Variants in NR2C2 observed in about 807,000 individuals in gnomAD.
The protein encoded by NR2C2 is Nuclear hormone receptor TR4.
A neutral mutation model predicts 62.9 loss-of-function variants in NR2C2; 6 were observed. The observed-to-expected ratio is 0.10, with a 90% CI of 0.05 to 0.19. NR2C2 has a LOEUF of 0.19. Ranked by LOEUF, NR2C2 falls within the 10% of genes least tolerant of loss-of-function variation. NR2C2 has a pLI of 1.00. For missense variants in NR2C2, 479 were observed against 762.7 expected (o/e 0.63, Z 4.38); for synonymous variants, 272 against 273.8 (o/e 0.99, Z 0.07).
intron 1 of NR2C2, among the ~76,000 whole-genome samples, chr3:14,994,698 C>T (rs1052689467): frequency 2.6e-4 from 39 of 151,050 alleles, no homozygotes; most frequent in African/African-American, 9.0e-4. Flanking sequence ...ACCTCGGCCT[C>T]CCAAAGTGCT....
intron 1 of NR2C2, among the ~76,000 whole-genome samples, chr3:14,953,263 T>G (rs2039423061): frequency 6.6e-6 from 1 of 152,226 alleles, no homozygotes; most frequent in Admixed American, 6.5e-5. Context: ...AACTTTCTAT[T>G]CCATAATTAT....
intron 1 of NR2C2, among the ~76,000 whole-genome samples, chr3:14,971,567 TC>T (rs931560488): frequency 9.9e-5 from 15 of 151,660 alleles, no homozygotes; most frequent in Admixed American, 9.2e-4. Context: ...TATATTGTTT[TC>T]CACAGCGGCT....
intron 1 of NR2C2, among the ~76,000 whole-genome samples, chr3:14,958,782 C>T (rs1423453084): frequency 6.6e-6 from 1 of 152,136 alleles, no homozygotes; most frequent in Non-Finnish European, 1.5e-5. Context: ...TCCAGACCAT[C>T]CTGGCCAACA....
At chr3:15,004,096 A>G (rs911200052) in intron 2 of NR2C2, 110 bp downstream of exon 2, 74 of 762,184 alleles carry the variant, frequency 9.7e-5, no homozygotes, top group Non-Finnish European at 1.5e-4. Flanking sequence ...CATGAAATAC[A>G]GTACAACTTC....
At chr3:15,027,848 T>G (rs2041866073) in intron 7 of NR2C2, among the ~76,000 whole-genome samples, 2 of 151,936 alleles carry the variant, frequency 1.3e-5, no homozygotes, top group Admixed American at 6.6e-5. Context: ...TCCTTCTGCT[T>G]TGCCCTCCCA....
intron 1 of NR2C2, among the ~76,000 whole-genome samples, chr3:14,976,600 TCC>T (rs1491201940): frequency 2.8e-5 from 4 of 144,104 alleles, no homozygotes; most frequent in African/African-American, 2.6e-5. Flanking sequence ...CTTCCTTCCT[TCC>T]TTTTTTTTTT....
intron 2 of NR2C2, among the ~76,000 whole-genome samples, chr3:15,007,296 T>G (rs1203981475): frequency 1.3e-5 from 2 of 151,784 alleles, no homozygotes; most frequent in African/African-American, 4.8e-5. Context: ...CCTGGCTAAA[T>G]TTTTATATTT....
chr3:15,042,761 C>T, intron 13 of NR2C2, 73 bp from the exon 14 acceptor site: 9 of 1,426,792 alleles, frequency 6.3e-6, no homozygotes, highest in Non-Finnish European at 8.7e-6. Flanking sequence ...AGACGGGACC[C>T]CAGGAGCCTT....
chr3:14,982,049 ATACT>A (rs1480138962), intron 1 of NR2C2, among the ~76,000 whole-genome samples: 1 of 152,106 alleles, frequency 6.6e-6, no homozygotes, highest in Non-Finnish European at 1.5e-5. Context: ...CCCAGGAATA[ATACT>A]TTACATCCTT....
intron 1 of NR2C2, among the ~76,000 whole-genome samples, chr3:14,983,371 A>G (rs1207106725): frequency 6.6e-6 from 1 of 151,394 alleles, no homozygotes; most frequent in Non-Finnish European, 1.5e-5. Flanking sequence ...TGATCAGGTA[A>G]TGTGAATTAG....
At chr3:15,040,843 G>GT (rs1310187819) in intron 13 of NR2C2, among the ~76,000 whole-genome samples, 1 of 152,168 alleles carries the variant, frequency 6.6e-6, no homozygotes, top group Non-Finnish European at 1.5e-5. Context: ...ATCCAGCCAG[G>GT]TATACAGTCA....
chr3:15,040,296 G>A (rs2042221223), intron 13 of NR2C2, among the ~76,000 whole-genome samples: 2 of 152,206 alleles, frequency 1.3e-5, no homozygotes, highest in Admixed American at 1.3e-4. Flanking sequence ...GCTTTCCTAT[G>A]ACAACTTCTG....
intron 1 of NR2C2, among the ~76,000 whole-genome samples, chr3:14,950,377 C>T (rs900617731): frequency 6.6e-6 from 1 of 152,192 alleles, no homozygotes; most frequent in Non-Finnish European, 1.5e-5. Context: ...CCACTAGAAC[C>T]CACGTAATGG....
chr3:14,988,649 GT>G (rs2040576597), intron 1 of NR2C2, among the ~76,000 whole-genome samples: 1 of 152,194 alleles, frequency 6.6e-6, no homozygotes, highest in African/African-American at 2.4e-5. Context: ...TGAATAGAGT[GT>G]TTTGTTTCTT....
At chr3:14,952,370 G>T (rs553602609) in intron 1 of NR2C2, among the ~76,000 whole-genome samples, 4 of 152,176 alleles carry the variant, frequency 2.6e-5, no homozygotes, top group Admixed American at 1.3e-4. Flanking sequence ...AGGGCCCTCC[G>T]TTGGGATTTT....
At chr3:15,029,928 AAAGG>A (rs1055929831) in intron 8 of NR2C2, among the ~76,000 whole-genome samples, 5 of 152,000 alleles carry the variant, frequency 3.3e-5, no homozygotes, top group East Asian at 1.9e-4. Context: ...GAAAGAGAGA[AAAGG>A]AAGGAAAAGA....
At position 15,048,126 on chromosome 3, in the gene NR2C2, A is replaced by ATGTT. The variant is rs1359260180; in HGVS notation, c.*5120_*5123dup. ...TTTCTTTTTAAAATAAGTTATCAAAATGTTTTAAAAACACTTTATGAGACC... is the reference window on the plus strand; with the variant it reads ...TTTCTTTTTAAAATAAGTTATCAAAATGTTTGTTTTAAAAACACTTTATGAGACC... On this transcript the variant is annotated 3_prime_UTR_variant, in exon 14 of 14. Transcript: ENST00000425241. The ATGTT allele has an allele frequency of 6.6e-6, 1 of 152,666 alleles. No homozygotes were observed. Among genetic ancestry groups the ATGTT allele is most frequent in the Admixed American group, 6.5e-5 (1 of 15,288 alleles). The allele number at this position is 152,666 out of a possible 1,614,324, so 9.5% of individuals were successfully genotyped here.
intron 1 of NR2C2, among the ~76,000 whole-genome samples, chr3:14,955,824 A>G (rs1389799842): frequency 2.0e-5 from 3 of 150,710 alleles, no homozygotes; most frequent in Non-Finnish European, 4.5e-5. Flanking sequence ...AATCATCCAC[A>G]GTATGTAGTG....
intron 4 of NR2C2, among the ~76,000 whole-genome samples, chr3:15,018,909 G>A (rs1323644709): frequency 1.3e-5 from 2 of 151,260 alleles, no homozygotes; most frequent in Non-Finnish European, 2.9e-5. Context: ...CAGCTACTTG[G>A]GAGGCTCAGG....
Sources: gnomAD v4.1 joint callset for allele counts (sites outside exome capture counted in the v4.1 genomes callset) on GRCh38, gnomAD v4.1.1 for gene constraint, MANE v1.5 for transcripts, NCBI Gene and HGNC (gene_info 2026-07-23, HGNC 2026-07-21) for gene names.